Variants in TRAPPC9 observed in about 807,000 individuals in gnomAD.
TRAPPC9 encodes the protein trafficking protein particle complex subunit 9, also known as IKK2 binding protein.
A neutral mutation model predicts 124.0 loss-of-function variants in TRAPPC9; 83 were observed. The observed-to-expected ratio is 0.67, with a 90% CI of 0.56 to 0.80. TRAPPC9 has a LOEUF of 0.80. Among genes scored for constraint, TRAPPC9 ranks in the 30% least tolerant of loss-of-function variants. The pLI is 0.00. For synonymous variants in TRAPPC9, 638 were observed against 617.5 expected, an observed-to-expected ratio of 1.03 and a Z score of -0.49; for missense variants, 1,302 against 1,508.3, an observed-to-expected ratio of 0.86 and a Z score of 2.27.
chr8:139,845,566 G>A (rs1586972689), intron 21 of TRAPPC9, among the ~76,000 whole-genome samples: 1 of 152,230 alleles, frequency 6.6e-6, no homozygotes, highest in Non-Finnish European at 1.5e-5. Context: ...TGAAGGGAGA[G>A]GGTTTGTGCA....
chr8:139,736,576 C>T (rs764816472), intron 21 of TRAPPC9, among the ~76,000 whole-genome samples: 46 of 152,284 alleles, frequency 3.0e-4, no homozygotes, highest in African/African-American at 9.4e-4. Flanking sequence ...TGTTTTTGTC[C>T]GAGAGCATTA....
At chr8:140,397,035 T>C (rs911202000) in intron 7 of TRAPPC9, among the ~76,000 whole-genome samples, 1 of 152,232 alleles carries the variant, frequency 6.6e-6, no homozygotes, top group African/African-American at 2.4e-5. Flanking sequence ...AAGCAAATTG[T>C]TTAACTTGGT....
At chr8:139,926,101 C>T (rs1468360943) in intron 19 of TRAPPC9, among the ~76,000 whole-genome samples, 1 of 152,232 alleles carries the variant, frequency 6.6e-6, no homozygotes, top group Admixed American at 6.5e-5. Flanking sequence ...ATTTGCACTA[C>T]AAAAATCAGC....
intron 16 of TRAPPC9, among the ~76,000 whole-genome samples, chr8:140,227,670 G>C (rs971523359): frequency 1.3e-5 from 2 of 152,188 alleles, no homozygotes; most frequent in Admixed American, 1.3e-4. Context: ...ATTTGTGCAG[G>C]GGAAAGAAAA....
chr8:140,301,793 G>C (rs1039460048), intron 10 of TRAPPC9, among the ~76,000 whole-genome samples: 2 of 152,184 alleles, frequency 1.3e-5, no homozygotes, highest in Non-Finnish European at 2.9e-5. Context: ...ACACTTTAGA[G>C]TGACGGGCCA....
At position 140,088,648 on chromosome 8, in the gene TRAPPC9, C is replaced by T. The variant is rs532438110; in HGVS notation, c.2557-64569G>A. Among the ~76,000 whole-genome samples, 31 of 152,330 alleles carry T rather than the reference C, an allele frequency of 2.0e-4. No homozygotes were observed. The East Asian group carries it at 4.0e-3, about 20-fold the overall frequency. On this transcript the variant is annotated intron_variant, in intron 17 of 22. Coordinates refer to ENST00000438773, the MANE Select transcript of TRAPPC9 (RefSeq NM_001160372.4). ...ACTCATCAGTAATTTGAAAATGTGA[C>T]ATATACAGTTGAACAATACAACTAC...
At chr8:140,143,498 A>T in intron 17 of TRAPPC9, among the ~76,000 whole-genome samples, 1 of 152,248 alleles carries the variant, frequency 6.6e-6, no homozygotes, top group Admixed American at 6.5e-5. Context: ...TGTAACTTGC[A>T]TGTAAATTTT....
At chr8:140,188,581 G>A (rs2062402573) in intron 17 of TRAPPC9, among the ~76,000 whole-genome samples, 1 of 152,168 alleles carries the variant, frequency 6.6e-6, no homozygotes, top group South Asian at 2.1e-4. Flanking sequence ...TGATGGCACA[G>A]ATCTCCCGAC....
intron 17 of TRAPPC9, among the ~76,000 whole-genome samples, chr8:140,208,372 T>A (rs1350035861): frequency 2.6e-5 from 4 of 152,154 alleles, no homozygotes; most frequent in African/African-American, 9.7e-5. Flanking sequence ...ATTTCATCTC[T>A]TAAGGTGGTG....
intron 7 of TRAPPC9, among the ~76,000 whole-genome samples, chr8:140,371,763 G>A (rs542090848): frequency 6.6e-6 from 1 of 152,172 alleles, no homozygotes; most frequent in East Asian, 1.9e-4. Flanking sequence ...GAGTGCAGTG[G>A]TACGATCTTG....
intron 17 of TRAPPC9, among the ~76,000 whole-genome samples, chr8:140,030,507 C>T (rs925473866): frequency 6.6e-6 from 1 of 152,030 alleles, no homozygotes; most frequent in Admixed American, 6.6e-5. Context: ...AAAGCAACTC[C>T]TACCAAGAAA....
At chr8:140,289,174 AGT>A (rs71320349) in intron 12 of TRAPPC9, among the ~76,000 whole-genome samples, 15,214 of 148,190 alleles carry the variant, frequency 0.1, 770 homozygotes, top group Middle Eastern at 0.13. Context: ...ATATATATAT[AGT>A]GTGTGTGTGT....
intron 17 of TRAPPC9, among the ~76,000 whole-genome samples, chr8:140,047,261 C>T (rs941895614): frequency 5.3e-5 from 8 of 152,206 alleles, no homozygotes; most frequent in African/African-American, 1.9e-4. Flanking sequence ...TGCTCCTCGG[C>T]GGAGGCCCCT....
intron 21 of TRAPPC9, 44 bp from the exon 22 acceptor site, chr8:139,732,246 G>A (rs1295637008): frequency 1.4e-5 from 21 of 1,482,436 alleles, no homozygotes; most frequent in Middle Eastern, 2.4e-4. Flanking sequence ...TGGCCTGCAC[G>A]GCCCAGCCGG....
Position 139,732,204 on chromosome 8 carries a change from T to G in TRAPPC9, c.3056-2A>C. On this transcript the variant is annotated splice_acceptor_variant, in intron 21 of 22. Coordinates refer to ENST00000438773, the MANE Select transcript of TRAPPC9 (RefSeq NM_001160372.4). LOFTEE classifies it high-confidence loss of function. ...ATGGCTGTCCGTCCACCAGCACATC[T>G]GTAAGGGACACGAGACTGTCGGGGG... 1 of 1,584,566 alleles carries G rather than the reference T, an allele frequency of 6.3e-7. No individual in the cohort carries two copies. The highest frequency in any genetic ancestry group is 8.5e-7 in the Non-Finnish European group (1 of 1,172,042).
chr8:139,942,651 T>A (rs944028370), intron 19 of TRAPPC9, among the ~76,000 whole-genome samples: 1 of 152,008 alleles, frequency 6.6e-6, no homozygotes, highest in African/African-American at 2.4e-5. Context: ...CATTTTTTTT[T>A]AATAAGCAAC....
At chr8:140,158,744 T>C (rs2061696832) in intron 17 of TRAPPC9, among the ~76,000 whole-genome samples, 1 of 152,190 alleles carries the variant, frequency 6.6e-6, no homozygotes, top group South Asian at 2.1e-4. Context: ...CAGACTCCCC[T>C]GCTGTGGACA....
intron 9 of TRAPPC9, among the ~76,000 whole-genome samples, chr8:140,322,679 T>A (rs766360062): frequency 9.5e-5 from 14 of 147,210 alleles, no homozygotes; most frequent in East Asian, 4.0e-4. Flanking sequence ...AAAAAAAAAA[T>A]GTAAAAATTA....
chr8:139,839,719 C>T (rs1467322511), intron 21 of TRAPPC9, among the ~76,000 whole-genome samples: 6 of 152,214 alleles, frequency 3.9e-5, no homozygotes, highest in Non-Finnish European at 8.8e-5. Context: ...TGAAATGCCG[C>T]TGCCTCCAGC....
Sources: allele counts gnomAD v4.1 joint callset (sites outside exome capture counted in the v4.1 genomes callset), GRCh38; gene constraint gnomAD v4.1.1; transcripts MANE v1.5; gene names NCBI Gene and HGNC (gene_info 2026-07-23, HGNC 2026-07-21).